DGKI: variants seen among roughly 807,000 people sequenced by gnomAD.
The protein encoded by DGKI is DAG kinase iota.
A neutral mutation model predicts 147.5 loss-of-function variants in DGKI; 55 were observed. The observed-to-expected ratio is 0.37, with a 90% CI of 0.30 to 0.47. DGKI has a LOEUF of 0.47. Among genes scored for constraint, DGKI ranks in the 20% least tolerant of loss-of-function variants. The pLI, the probability that DGKI is intolerant of heterozygous loss-of-function variation, is 1.00. For synonymous variants in DGKI, 469 were observed against 477.1 expected (o/e 0.98, Z 0.22); for missense variants, 1,007 against 1,323.8 (o/e 0.76, Z 3.71).
intron 1 of DGKI, among the ~76,000 whole-genome samples, chr7:137,777,289 T>C (rs747590981): frequency 1.3e-5 from 2 of 152,130 alleles, no homozygotes; most frequent in Non-Finnish European, 1.5e-5. Flanking sequence ...GGAAAAGGCA[T>C]TGTCTGCTCA....
chr7:137,617,367 T>C (rs1403286868), intron 8 of DGKI, among the ~76,000 whole-genome samples: 2 of 151,946 alleles, frequency 1.3e-5, no homozygotes, highest in African/African-American at 2.4e-5. Flanking sequence ...AAGAACTACG[T>C]CAACAAAAGG....
Position 137,601,133 on chromosome 7 carries a change from C to A in DGKI, c.1168-1228G>T, listed in dbSNP as rs188899004. ...AAAAACACAAAAAATTAGCCGGGCA[C>A]GGTGGCGGGCACCTGTAGTCCCAGC... On this transcript the variant is annotated intron_variant, in intron 10 of 32. Transcript: ENST00000614521. 1.3e-3 allele frequency among the ~76,000 whole-genome samples: 190 copies of A among 151,932 alleles called. 2 individuals carry two copies. Among genetic ancestry groups the A allele is most frequent in the African/African-American group, 4.5e-3 (185 of 41,460 alleles).
chr7:137,553,968 C>T (rs953860980), intron 19 of DGKI, among the ~76,000 whole-genome samples: 1 of 152,158 alleles, frequency 6.6e-6, no homozygotes, highest in Non-Finnish European at 1.5e-5. Flanking sequence ...GGCTTGAACA[C>T]CTTCCAACCT....
At chr7:137,592,175 T>C (rs766072302) in intron 12 of DGKI, among the ~76,000 whole-genome samples, 1 of 152,172 alleles carries the variant, frequency 6.6e-6, no homozygotes, top group African/African-American at 2.4e-5. Context: ...CATTGAAAGG[T>C]TCTATGGGCA....
chr7:137,431,800 T>C (rs1377143307), intron 28 of DGKI, among the ~76,000 whole-genome samples: 3 of 152,216 alleles, frequency 2.0e-5, no homozygotes, highest in Non-Finnish European at 1.5e-5. Flanking sequence ...CCAGGCCTGA[T>C]GCAAGTGACT....
rs1354033258 is a variant in DGKI at position 137,383,169 on chromosome 7, G to A, written c.*8051C>T. On this transcript the variant is annotated 3_prime_UTR_variant, in exon 33 of 33. Coordinates refer to ENST00000614521, the MANE Select transcript of DGKI (RefSeq NM_001321708.2). ...TGACTCCTGAATCTGTGACCTTTTTGCTTTAGTAGAAACATATCTTTTTTA... is the reference window on the plus strand; with the variant it reads ...TGACTCCTGAATCTGTGACCTTTTTACTTTAGTAGAAACATATCTTTTTTA... 6.6e-6 allele frequency: 1 copy of A among 151,718 alleles called. No individual in the cohort carries two copies. Among genetic ancestry groups the A allele is most frequent in the Non-Finnish European group, 1.5e-5 (1 of 67,854 alleles). The allele number at this position is 151,718 out of a possible 1,614,324, so 9.4% of individuals were successfully genotyped here.
At chr7:137,576,163 G>A (rs572528756) in intron 17 of DGKI, among the ~76,000 whole-genome samples, 38 of 150,216 alleles carry the variant, frequency 2.5e-4, no homozygotes, top group African/African-American at 8.4e-4. Flanking sequence ...TCAGCCTCCC[G>A]AGTAGCTGGG....
intron 21 of DGKI, among the ~76,000 whole-genome samples, chr7:137,501,722 G>T (rs115556913): frequency 0.012 from 1,771 of 152,212 alleles, 35 homozygotes; most frequent in African/African-American, 0.041. Flanking sequence ...ACAACAGATG[G>T]AACTCTGAGG....
intron 20 of DGKI, among the ~76,000 whole-genome samples, chr7:137,532,691 T>C (rs1412316480): frequency 2.0e-5 from 3 of 152,132 alleles, no homozygotes; most frequent in African/African-American, 7.2e-5. Context: ...GAAGGAATAA[T>C]TGAGAGTCCT....
chr7:137,425,426 A>G (rs1445316585), intron 28 of DGKI, among the ~76,000 whole-genome samples: 1 of 152,212 alleles, frequency 6.6e-6, no homozygotes, highest in African/African-American at 2.4e-5. Flanking sequence ...GACCAAAAGT[A>G]CATAAAACCA....
chr7:137,559,953 C>G lies in DGKI; in HGVS notation c.1948-7385G>C, dbSNP rs188867942. On this transcript the variant is annotated intron_variant, in intron 19 of 32. Coordinates refer to ENST00000614521, the MANE Select transcript of DGKI (RefSeq NM_001321708.2). ...AATTCTGGAACAAAAGAAATATACC[C>G]TATCCATCTTTTAATACTGGTCCAG... Among the ~76,000 whole-genome samples, 326 of 152,176 alleles carry G rather than the reference C, an allele frequency of 2.1e-3. 1 individual carries two copies. Among genetic ancestry groups the G allele is most frequent in the African/African-American group, 7.5e-3 (312 of 41,530 alleles).
chr7:137,719,896 C>T (rs577822582), intron 1 of DGKI, among the ~76,000 whole-genome samples: 1 of 152,052 alleles, frequency 6.6e-6, no homozygotes, highest in East Asian at 1.9e-4. Flanking sequence ...AGACAGTAAC[C>T]TGGTCCTGAA....
chr7:137,786,543 CA>C (rs906700114), intron 1 of DGKI, among the ~76,000 whole-genome samples: 121 of 151,354 alleles, frequency 8.0e-4, no homozygotes, highest in African/African-American at 2.6e-3. Context: ...ACCACACTGC[CA>C]AAAAAAATCC....
chr7:137,744,768 C>T (rs1795276146), intron 1 of DGKI, among the ~76,000 whole-genome samples: 1 of 152,124 alleles, frequency 6.6e-6, no homozygotes, highest in Non-Finnish European at 1.5e-5. Context: ...TGATTTACCA[C>T]ATAAATAGAA....
intron 1 of DGKI, among the ~76,000 whole-genome samples, chr7:137,808,224 A>G (rs903097710): frequency 1.3e-5 from 2 of 152,254 alleles, no homozygotes; most frequent in African/African-American, 4.8e-5. Context: ...TTGCTGGTAT[A>G]TAAACTATCT....
intron 24 of DGKI, 39 bp downstream of exon 24, chr7:137,469,511 C>T (rs1450361096): frequency 1.9e-6 from 3 of 1,608,096 alleles, no homozygotes; most frequent in Non-Finnish European, 2.6e-6. Context: ...CTTCAACTTC[C>T]CCAACTCCCA....
chr7:137,483,915 T>G (rs1392405020), intron 23 of DGKI, among the ~76,000 whole-genome samples: 1 of 152,060 alleles, frequency 6.6e-6, no homozygotes, highest in Non-Finnish European at 1.5e-5. Context: ...AAATAAAATT[T>G]ACACCAAGAT....
intron 27 of DGKI, among the ~76,000 whole-genome samples, chr7:137,455,477 G>A (rs1421385160): frequency 1.3e-5 from 2 of 152,018 alleles, no homozygotes; most frequent in East Asian, 1.9e-4. Flanking sequence ...AAGAGCTGTG[G>A]GAGGTACTTA....
chr7:137,466,424 C>T (rs1292796368), intron 25 of DGKI, among the ~76,000 whole-genome samples: 1 of 152,210 alleles, frequency 6.6e-6, no homozygotes, highest in Non-Finnish European at 1.5e-5. Flanking sequence ...AGGTTCAATA[C>T]TGTACATTTT....
Sources: allele counts gnomAD v4.1 joint callset (sites outside exome capture counted in the v4.1 genomes callset), GRCh38; gene constraint gnomAD v4.1.1; transcripts MANE v1.5; gene names NCBI Gene and HGNC (gene_info 2026-07-23, HGNC 2026-07-21).